HELZ: variants seen among roughly 807,000 people sequenced by gnomAD.
HELZ encodes the protein helicase with zinc finger, also known as ATP-dependent RNA helicase with zinc finger domain.
HELZ carries 23 observed loss-of-function variants against 218.2 expected under a neutral mutation model. The observed-to-expected ratio is 0.11, with a 90% confidence interval of 0.08 to 0.15. HELZ has a LOEUF of 0.15. HELZ is among the 10% of genes least tolerant of loss of function. The probability of loss-of-function intolerance (pLI) is 1.00; values close to 1 mark genes in which losing one functional copy is unlikely to be tolerated. For synonymous variants in HELZ, 814 were observed against 829.4 expected, an observed-to-expected ratio of 0.98 and a Z score of 0.32; for missense variants, 1,813 against 2,353.7, an observed-to-expected ratio of 0.77 and a Z score of 4.75.
chr17:67,150,072 A>G (rs2038628517), intron 18 of HELZ, 87 bp from the exon 19 acceptor site: 19 of 740,458 alleles, frequency 2.6e-5, no homozygotes, highest in East Asian at 2.4e-4. Flanking sequence ...TCTGCTAAGT[A>G]AAGAGTTTAG....
At chr17:67,128,916 A>G in intron 23 of HELZ, 61 bp from the exon 24 acceptor site, 2 of 1,234,108 alleles carry the variant, frequency 1.6e-6, no homozygotes, top group Non-Finnish European at 2.4e-6. Context: ...AGAAATGAAT[A>G]TAAATAACTA....
rs540361785 is a variant in HELZ, at chr17:67,218,687, A to G, written c.118T>C (p.Ser40Pro). ...TEALLSLGQY[S>P]MADFTGPCPL... ...CAAGGCCCTGTGAAGTCTGCCATGG[A>G]GTACTGGCCAAGAGAAAGAAGGGCC... Residue 40 changes from serine to proline, a missense_variant, in exon 4 of 33, where the codon TCC becomes CCC. Transcript: ENST00000358691. The G allele has an allele frequency of 6.2e-7, 1 of 1,614,142 alleles. No homozygotes were observed. The highest frequency in any genetic ancestry group is 2.2e-5 in the East Asian group (1 of 44,876).
Position 67,107,229 on chromosome 17 carries a change from C to T in HELZ, c.5181G>A (p.Glu1727=), listed in dbSNP as rs2143736340. 2.5e-6 allele frequency: 4 copies of T among 1,614,178 alleles called. No homozygotes were observed. In the East Asian group the frequency reaches 6.7e-5, roughly 27 times the overall value. Residue 1727 remains glutamate (E), a synonymous_variant, in exon 31 of 33, where the codon GAG becomes GAA. Coordinates refer to ENST00000358691, the MANE Select transcript of HELZ (RefSeq NM_014877.4). Reference sequence around the variant, plus strand: ...TTCGAGATGACAATGGGTGAAATGGCTCTTGACCAATAGCATGTTGATGAT... The same window carrying T: ...TTCGAGATGACAATGGGTGAAATGGTTCTTGACCAATAGCATGTTGATGAT... ...IQNHQHAIGQ[E]PFHPLSSRTV...
upstream of HELZ, chr17:67,245,244 C>T: frequency 1.0e-6 from 1 of 982,324 alleles, no homozygotes. Context: ...CCCCCCGGCC[C>T]CCGACTCCCG....
In HELZ at chr17:67,218,614, A is replaced by G. The variant is rs371335037; in HGVS notation, c.191T>C (p.Ile64Thr). Residue 64 changes from isoleucine (I) to threonine (T), a missense_variant, in exon 4 of 33, where the codon ATT (isoleucine) becomes ACT (threonine). This residue lies in a region of HELZ where 714 missense variants were observed against 1,029.2 expected (regional missense o/e 0.69). Coordinates refer to ENST00000358691, the MANE Select transcript of HELZ (RefSeq NM_014877.4). ...ACTCACCAGTTGCAAAAATGAGGCA[A>G]TTCTGTAGAGAAGACTCTCGATTTT... ...RIKIESLLYR[I>T]ASFLQLKNYV... The G allele has an allele frequency of 5.0e-6, 8 of 1,614,024 alleles. No homozygotes were observed. Among genetic ancestry groups the G allele is most frequent in the Non-Finnish European group, 5.9e-6 (7 of 1,179,980 alleles).
intron 17 of HELZ, among the ~76,000 whole-genome samples, chr17:67,156,197 G>A (rs916979422): frequency 4.4e-4 from 67 of 151,832 alleles, no homozygotes; most frequent in African/African-American, 1.5e-3. Context: ...GTGTATGCAT[G>A]TGATTTTTTA....
chr17:67,224,194 C>A (rs1188998823), intron 3 of HELZ: 1 of 155,546 alleles, frequency 6.4e-6, no homozygotes, highest in Non-Finnish European at 1.4e-5. Context: ...CAATGAGACA[C>A]CATGAGACTC....
chr17:67,233,969 C>T (rs1352840976), intron 3 of HELZ, among the ~76,000 whole-genome samples: 1 of 150,988 alleles, frequency 6.6e-6, no homozygotes, highest in Admixed American at 6.6e-5. Context: ...TCGCTTGAAC[C>T]CGGGAGGCAG....
At chr17:67,120,013 TTTTTTTTTG>T in intron 27 of HELZ, 1 of 362,948 alleles carries the variant, frequency 2.8e-6, no homozygotes, top group Non-Finnish European at 5.1e-6. Flanking sequence ...TTTTTTTTTT[TTTTTTTTTG>T]AGATGGAGTC....
At chr17:67,204,375 C>A (rs924475361) in intron 5 of HELZ, among the ~76,000 whole-genome samples, 2 of 152,134 alleles carry the variant, frequency 1.3e-5, no homozygotes, top group African/African-American at 4.8e-5. Flanking sequence ...TTTTCACTTA[C>A]TCATTTTCTC....
chr17:67,166,445 A>G, intron 15 of HELZ, 33 bp downstream of exon 15: 1 of 1,563,078 alleles, frequency 6.4e-7, no homozygotes, highest in South Asian at 1.1e-5. Flanking sequence ...ATATTAACCT[A>G]ACTTCCTTTA....
At chr17:67,096,042 C>T (rs2036733764) in intron 31 of HELZ, among the ~76,000 whole-genome samples, 1 of 152,176 alleles carries the variant, frequency 6.6e-6, no homozygotes, top group Admixed American at 6.5e-5. Context: ...AAACAACATT[C>T]ATGTCCTTGC....
chr17:67,190,291 G>A lies in HELZ; in HGVS notation c.622C>T (p.Leu208=). ...QCTSAHSQEE[L]AEWQKRYASR... The stretch of plus-strand genomic sequence containing the variant: ...GCATATCTTTTCTGCCATTCTGCTA[G>A]TTCTTCCTGGGAATGTGCTGAAGTA... The change falls in exon 10 of 33, where the codon CTA becomes TTA. Residue 208 remains leucine (L), a synonymous_variant. Transcript: ENST00000358691. 6 of 1,613,978 alleles carry A rather than the reference G, an allele frequency of 3.7e-6. No homozygotes were observed. The highest frequency in any genetic ancestry group is 4.2e-6 in the Non-Finnish European group (5 of 1,179,908).
chr17:67,242,882 G>A (rs1468652485), intron 2 of HELZ, among the ~76,000 whole-genome samples: 1 of 150,826 alleles, frequency 6.6e-6, no homozygotes, highest in Non-Finnish European at 1.5e-5. Context: ...AACAGATGTT[G>A]TGATAGACAC....
At chr17:67,245,288 G>A (rs1320692995), upstream of HELZ, 66 of 916,156 alleles carry the variant, frequency 7.2e-5, no homozygotes, top group Non-Finnish European at 8.5e-5. Flanking sequence ...CTCCGGCCGC[G>A]CCTCCCGCCC....
intron 27 of HELZ, 58 bp from the exon 28 acceptor site, chr17:67,114,461 T>C (rs769518571): frequency 1.0e-6 from 1 of 970,674 alleles, no homozygotes; most frequent in Non-Finnish European, 1.6e-6. Context: ...ACACTTCCAA[T>C]GCTTATCCAA....
intron 31 of HELZ, among the ~76,000 whole-genome samples, chr17:67,100,074 C>T (rs2036876623): frequency 6.6e-6 from 1 of 152,144 alleles, no homozygotes; most frequent in South Asian, 2.1e-4. Context: ...CATAAGCTAT[C>T]ACCATCTATT....
intron 32 of HELZ, 115 bp downstream of exon 32, chr17:67,086,712 TAA>T (rs780649119): frequency 1.6e-5 from 15 of 936,576 alleles, no homozygotes; most frequent in Non-Finnish European, 2.1e-5. Flanking sequence ...TTAGCATCAT[TAA>T]ATATTGTTCA....
At chr17:67,203,581 T>A in intron 5 of HELZ, 138 bp from the exon 6 acceptor site, 1 of 967,662 alleles carries the variant, frequency 1.0e-6, no homozygotes, top group Non-Finnish European at 1.5e-6. Flanking sequence ...AGGGAAGCAG[T>A]GGTGTTTCTG....
Sources: allele counts gnomAD v4.1 joint callset (sites outside exome capture counted in the v4.1 genomes callset), GRCh38; gene constraint gnomAD v4.1.1; regional missense constraint gnomAD v4.1.1; transcripts MANE v1.5; gene names NCBI Gene and HGNC (gene_info 2026-07-23, HGNC 2026-07-21).